The following PI4KB variants were observed in gnomAD, a reference collection of about 807,000 sequenced individuals.
The protein encoded by PI4KB is phosphatidylinositol 4-kinase beta, also known as PtdIns 4-kinase beta.
PI4KB carries 23 observed loss-of-function variants against 81.4 expected under a neutral mutation model. The ratio of observed to expected loss-of-function variants is 0.28; its 90% CI spans 0.20 to 0.40. PI4KB has a LOEUF of 0.40. Ranked by LOEUF, PI4KB falls within the 10% of genes least tolerant of loss-of-function variation. The pLI is 1.00. For missense variants in PI4KB, 651 were observed against 1,036.6 expected, an observed-to-expected ratio of 0.63 and a Z score of 5.11; for synonymous variants, 381 against 406.8, an observed-to-expected ratio of 0.94 and a Z score of 0.76.
intron 2 of PI4KB, among the ~76,000 whole-genome samples, chr1:151,314,803 G>A (rs982921934): frequency 4.6e-5 from 7 of 152,096 alleles, no homozygotes; most frequent in African/African-American, 1.2e-4. Flanking sequence ...GAATGAAGCC[G>A]ATGTTCTAAC....
Position 151,316,027 on chromosome 1 carries a change from T to C in PI4KB, c.455A>G (p.Lys152Arg), listed in dbSNP as rs1270829187. ...AATGTAGGCTTGTACTCCAGGCTCC[T>C]TGGAGTTATACAGGTATGAAATGGC... ...SMAISYLYNS[K>R]EPGVQAYIGN... Residue 152 changes from lysine to arginine, a missense_variant, in exon 2 of 12, where the codon AAG becomes AGG. Transcript: ENST00000368873. 1.2e-6 allele frequency: 2 copies of C among 1,614,160 alleles called. No homozygotes were observed. Among genetic ancestry groups the C allele is most frequent in the African/African-American group, 2.7e-5 (2 of 75,056 alleles).
At chr1:151,312,133 G>A (rs1042688796) in intron 2 of PI4KB, among the ~76,000 whole-genome samples, 1 of 152,212 alleles carries the variant, frequency 6.6e-6, no homozygotes, top group African/African-American at 2.4e-5. Flanking sequence ...TTCTGACTGT[G>A]GGAGAGAGTG....
At chr1:151,311,081 T>C (rs1696179522) in intron 2 of PI4KB, among the ~76,000 whole-genome samples, 1 of 152,128 alleles carries the variant, frequency 6.6e-6, no homozygotes, top group Admixed American at 6.6e-5. Flanking sequence ...TATCTAAACA[T>C]CACCCCATTG....
Position 151,294,101 on chromosome 1 carries a change from T to C in PI4KB, c.2186A>G (p.Tyr729Cys), listed in dbSNP as rs1694581486. 6.2e-7 allele frequency: 1 copy of C among 1,613,922 alleles called. No individual in the cohort carries two copies. The highest frequency in any genetic ancestry group is 1.3e-5 in the African/African-American group (1 of 74,882). Residue 729 changes from tyrosine to cysteine, a missense_variant, in exon 11 of 12, where the codon TAT becomes TGT. Tyr to Cys is a radical substitution (Grantham distance 194, BLOSUM62 -2). This residue lies in a region of PI4KB where 70 missense variants were observed against 108.1 expected (regional missense o/e 0.65). Transcript: ENST00000368873. Reference sequence around the variant, plus strand: ...CAGCCCTTGCAGCATCAGCATCTTATAGTAGTTGAACATGTCGCCATCCAG... The same window carrying C: ...CAGCCCTTGCAGCATCAGCATCTTACAGTAGTTGAACATGTCGCCATCCAG... ...GGLDGDMFNYYKMLMLQGLIA... is the reference protein window; with the variant it reads ...GGLDGDMFNYCKMLMLQGLIA...
intron 11 of PI4KB, 70 bp downstream of exon 11, chr1:151,293,948 T>TA: frequency 6.3e-7 from 1 of 1,581,464 alleles, no homozygotes; most frequent in South Asian, 1.1e-5. Context: ...TCAGCTTTCT[T>TA]ATGCTCCAGG....
At chr1:151,304,502 C>G (rs1015077561) in intron 5 of PI4KB, among the ~76,000 whole-genome samples, 3 of 151,148 alleles carry the variant, frequency 2.0e-5, no homozygotes, top group African/African-American at 7.3e-5. Context: ...CGCCACCATG[C>G]CTGGCTAATT....
intron 2 of PI4KB, among the ~76,000 whole-genome samples, chr1:151,310,779 T>C (rs887874498): frequency 3.9e-5 from 6 of 152,138 alleles, no homozygotes; most frequent in African/African-American, 1.2e-4. Context: ...GTGGCAGGTA[T>C]ACCTCTTCTC....
At chr1:151,305,904 G>T (rs903351188) in intron 5 of PI4KB, among the ~76,000 whole-genome samples, 1 of 152,148 alleles carries the variant, frequency 6.6e-6, no homozygotes, top group African/African-American at 2.4e-5. Flanking sequence ...TGGCCTAGAA[G>T]CTCCTCTTTA....
chr1:151,320,309 A>T (rs1395108684), intron 1 of PI4KB, among the ~76,000 whole-genome samples: 1 of 152,190 alleles, frequency 6.6e-6, no homozygotes, highest in African/African-American at 2.4e-5. Context: ...CTGGGATTAC[A>T]GGTGTGAGCT....
At chr1:151,316,898 C>T (rs904467742) in intron 1 of PI4KB, among the ~76,000 whole-genome samples, 1 of 152,192 alleles carries the variant, frequency 6.6e-6, no homozygotes, top group African/African-American at 2.4e-5. Context: ...TCTCAGCTCA[C>T]TGTAAGTTCC....
chr1:151,327,485 CTCT>C (rs1485929131), upstream of PI4KB: 3 of 396,636 alleles, frequency 7.6e-6, no homozygotes, highest in African/African-American at 4.1e-5. Context: ...GCCACACAAC[CTCT>C]TCTTCCTCCC....
chr1:151,296,791 T>A (rs1694837389), intron 9 of PI4KB, among the ~76,000 whole-genome samples: 1 of 149,798 alleles, frequency 6.7e-6, no homozygotes, highest in Admixed American at 6.6e-5. Context: ...TTTATTTTTT[T>A]TTTTGAGATG....
intron 1 of PI4KB, among the ~76,000 whole-genome samples, chr1:151,321,436 G>C (rs1232105481): frequency 6.6e-6 from 1 of 152,002 alleles, no homozygotes; most frequent in Non-Finnish European, 1.5e-5. Flanking sequence ...CTGGAGTGGA[G>C]TGCAGTGGCG....
At chr1:151,318,250 C>G (rs1382804498) in intron 1 of PI4KB, among the ~76,000 whole-genome samples, 1 of 151,766 alleles carries the variant, frequency 6.6e-6, no homozygotes, top group Non-Finnish European at 1.5e-5. Context: ...AACCCCGTCT[C>G]TACTAAAAAT....
At position 151,315,610 on chromosome 1, in the gene PI4KB, C is replaced by T. The variant is rs77233955; in HGVS notation, c.872G>A (p.Arg291Gln). The part of the protein sequence containing the change: ...ASISLSSNLK[R>Q]TASNPKVENE... ...CTCCACTTTAGGGTTGCTGGCTGTTCGTTTCAGGTTGCTGCTGAGACTTAT... is the reference window on the plus strand; with the variant it reads ...CTCCACTTTAGGGTTGCTGGCTGTTTGTTTCAGGTTGCTGCTGAGACTTAT... The change falls in exon 2 of 12, where the codon CGA becomes CAA. Residue 291 changes from arginine to glutamine, a missense_variant. Coordinates refer to ENST00000368873, the MANE Select transcript of PI4KB (RefSeq NM_001369623.2). 7 of 1,614,008 alleles carry T rather than the reference C, an allele frequency of 4.3e-6. No individual in the cohort carries two copies. The highest frequency in any genetic ancestry group is 2.2e-5 in the South Asian group (2 of 91,044).
At chr1:151,318,196 A>C (rs984913341) in intron 1 of PI4KB, among the ~76,000 whole-genome samples, 6 of 151,874 alleles carry the variant, frequency 4.0e-5, no homozygotes, top group Non-Finnish European at 7.4e-5. Context: ...AGGTGGGCAG[A>C]TCACGAGGTC....
At chr1:151,311,427 T>C (rs1241838224) in intron 2 of PI4KB, among the ~76,000 whole-genome samples, 1 of 152,226 alleles carries the variant, frequency 6.6e-6, no homozygotes, top group Non-Finnish European at 1.5e-5. Flanking sequence ...CTGGAGGTCC[T>C]ATAGTCAGGT....
At chr1:151,327,449 C>T (rs1649828234), upstream of PI4KB, 3 of 397,376 alleles carry the variant, frequency 7.5e-6, no homozygotes, top group Middle Eastern at 1.3e-3. Context: ...CTGAGGGGGC[C>T]TTCAGGCTGC....
At chr1:151,327,445 G>A (rs1381612494), upstream of PI4KB, 6 of 397,462 alleles carry the variant, frequency 1.5e-5, no homozygotes, top group Non-Finnish European at 2.7e-5. Flanking sequence ...CCGCCTGAGG[G>A]GGCCTTCAGG....
Sources: allele counts gnomAD v4.1 joint callset (sites outside exome capture counted in the v4.1 genomes callset), GRCh38; gene constraint gnomAD v4.1.1; regional missense constraint gnomAD v4.1.1; transcripts MANE v1.5; gene names NCBI Gene and HGNC (gene_info 2026-07-23, HGNC 2026-07-21).